Variants in CYP4A11 observed in about 807,000 individuals in gnomAD.
CYP4A11 encodes the protein cytochrome P450 4A11.
A neutral mutation model predicts 57.7 loss-of-function variants in CYP4A11; 52 were observed. That is an observed-to-expected ratio of 0.90 (90% CI 0.72 to 1.14). CYP4A11 has a LOEUF of 1.14. Ranked by LOEUF, CYP4A11 falls within the 50% of genes most tolerant of loss-of-function variation. The pLI, the probability that CYP4A11 is intolerant of heterozygous loss-of-function variation, is 0.00. For missense variants in CYP4A11, 641 were observed against 642.1 expected, an observed-to-expected ratio of 1.00 and a Z score of 0.02; for synonymous variants, 228 against 247.1, an observed-to-expected ratio of 0.92 and a Z score of 0.72.
At chr1:46,935,400 T>C in intron 5 of CYP4A11, 123 bp downstream of exon 5, 1 of 1,513,600 alleles carries the variant, frequency 6.6e-7, no homozygotes, top group Non-Finnish European at 8.8e-7. Flanking sequence ...AATTAGAGTT[T>C]GGTCAGGGAC....
In CYP4A11 at chr1:46,930,104, G is replaced by A; in HGVS notation, c.*11C>T. 6.2e-7 allele frequency: 1 copy of A among 1,602,690 alleles called. No individual in the cohort carries two copies. Among genetic ancestry groups the A allele is most frequent in the Non-Finnish European group, 8.5e-7 (1 of 1,172,782 alleles). ...CGGGGGTCAGGAAGACAGGACGGCA[G>A]GTGGAGGCCCTCAAAGCTGGTCCTT... On this transcript the variant is annotated 3_prime_UTR_variant, in exon 12 of 12. Transcript: ENST00000310638.
At chr1:46,931,550 A>ATAAAAT in intron 11 of CYP4A11, 1 of 740,830 alleles carries the variant, frequency 1.3e-6, no homozygotes, top group Non-Finnish European at 1.6e-6. Context: ...TTTTAAAATG[A>ATAAAAT]ATAAAATATA....
In CYP4A11 at chr1:46,937,416, A is replaced by G. The variant is rs139207256; in HGVS notation, c.338-70T>C. ...GAAGGCAGTCTTAGAGGCTGCATCA[A>G]TTCTTGGTGTCTGTCAGTTGGCAGT... On this transcript the variant is annotated intron_variant, in intron 2 of 11. Transcript: ENST00000310638. 230 of 1,519,190 alleles carry G rather than the reference A, an allele frequency of 1.5e-4. 2 individuals are homozygous for G. The African/African-American group carries it at 2.7e-3, about 18-fold the overall frequency. 94.1% of individuals were successfully genotyped at this position (1,519,190 alleles called of 1,614,324 possible). A position where few individuals can be genotyped will look rare whatever the true frequency, so the allele number is the denominator to read the frequency against.
Position 46,936,770 on chromosome 1 carries a change from T to C in CYP4A11, c.404A>G (p.Asn135Ser). 6.2e-7 allele frequency: 1 copy of C among 1,613,494 alleles called. No individual in the cohort carries two copies. Among genetic ancestry groups the C allele is most frequent in the Non-Finnish European group, 8.5e-7 (1 of 1,179,820 alleles). The part of the protein sequence containing the change: ...PWIGYGLLLL[N>S]GQTWFQHRRM... ...TCGATGCTGGAACCATGTCTGCCCA[T>C]TCAACAGGAGCAAGCCGTACCCTAA... is the stretch of plus-strand genomic sequence containing the variant. The change falls in exon 4 of 12, where the codon AAT becomes AGT. Residue 135 changes from asparagine to serine, a missense_variant. Transcript: ENST00000310638.
At chr1:46,933,808 A>G (rs1681183443) in intron 9 of CYP4A11, 138 bp downstream of exon 9, 3 of 1,372,768 alleles carry the variant, frequency 2.2e-6, no homozygotes, top group Non-Finnish European at 1.9e-6. Flanking sequence ...CTTTATCCCA[A>G]GTACAAAGTA....
At chr1:46,930,800 A>G (rs1680975701) in intron 11 of CYP4A11, among the ~76,000 whole-genome samples, 1 of 152,140 alleles carries the variant, frequency 6.6e-6, no homozygotes, top group South Asian at 2.1e-4. Flanking sequence ...TAAGGGAGTC[A>G]GAAGGGCAGT....
intron 11 of CYP4A11, chr1:46,931,645 G>A (rs1681035544): frequency 1.5e-6 from 1 of 681,178 alleles, no homozygotes; most frequent in East Asian, 1.3e-4. Flanking sequence ...GCAGCGACAT[G>A]ATTTGCAGGC....
intron 11 of CYP4A11, among the ~76,000 whole-genome samples, chr1:46,930,763 T>A (rs968769331): frequency 4.6e-5 from 7 of 152,076 alleles, no homozygotes; most frequent in Admixed American, 6.6e-5. Flanking sequence ...GGGACCTGAA[T>A]CCTCATAGGG....
Position 46,934,080 on chromosome 1 carries a change from C to T in CYP4A11, c.1089-1G>A. 1 of 1,612,590 alleles carries T rather than the reference C, an allele frequency of 6.2e-7. No homozygotes were observed. Among genetic ancestry groups the T allele is most frequent in the Non-Finnish European group, 8.5e-7 (1 of 1,179,450 alleles). ...GTAGGGCATCTGGTCCAGGTGGTTC[C>T]TGAAACAATTCCATCCTGAACACCA... On this transcript the variant is annotated splice_acceptor_variant, in intron 8 of 11. Coordinates refer to ENST00000310638, the MANE Select transcript of CYP4A11 (RefSeq NM_000778.4). LOFTEE classifies it high-confidence loss of function.
chr1:46,933,339 A>T (rs1174047295), intron 9 of CYP4A11, among the ~76,000 whole-genome samples: 1 of 152,254 alleles, frequency 6.6e-6, no homozygotes, highest in African/African-American at 2.4e-5. Context: ...TCCAAGGGTC[A>T]TTGGAGAATA....
At chr1:46,931,228 G>C (rs1331766495) in intron 11 of CYP4A11, among the ~76,000 whole-genome samples, 3 of 152,248 alleles carry the variant, frequency 2.0e-5, no homozygotes, top group Non-Finnish European at 4.4e-5. Context: ...GCTAAAGTCA[G>C]ATCCCAGCTG....
chr1:46,940,156 T>G (rs1469884173), intron 1 of CYP4A11, among the ~76,000 whole-genome samples: 1 of 151,318 alleles, frequency 6.6e-6, no homozygotes, highest in African/African-American at 2.4e-5. Flanking sequence ...CTCCTTTCTC[T>G]TCTTCCTCTG....
rs1336754976 is a variant in CYP4A11 at position 46,935,588 on chromosome 1, G to A, written c.570C>T (p.Ser190=). Residue 190 remains serine (S), a synonymous_variant, in exon 5 of 12, where the codon TCC becomes TCT. Coordinates refer to ENST00000310638, the MANE Select transcript of CYP4A11 (RefSeq NM_000778.4). ...DSPLEVFQHV[S]LMTLDTIMKC... The stretch of plus-strand genomic sequence containing the variant: ...TCATGATGGTGTCCAGGGTCATCAA[G>A]GAGACGTGCTGAAAGACCTCCAGAG... 4 of 1,613,860 alleles carry A rather than the reference G, an allele frequency of 2.5e-6. No homozygotes were observed. In the African/African-American group the frequency reaches 4.0e-5, roughly 16 times the overall value.
At chr1:46,940,795 C>T in intron 1 of CYP4A11, 2 of 985,416 alleles carry the variant, frequency 2.0e-6, no homozygotes, top group Non-Finnish European at 2.4e-6. Context: ...GTATTCTTCA[C>T]AGACCATAAA....
At chr1:46,933,299 C>A (rs1236511442) in intron 9 of CYP4A11, among the ~76,000 whole-genome samples, 2 of 152,132 alleles carry the variant, frequency 1.3e-5, no homozygotes, top group Non-Finnish European at 2.9e-5. Context: ...TAGAGTAAGT[C>A]CAGTGACATT....
In CYP4A11 at chr1:46,929,689, G is replaced by GAGCCACGAGCCCTGGATTCTATCCA. The variant is rs1553141883; in HGVS notation, c.*401_*425dup. ...AGGCAGCAAGTTCAGACACATTCCA[G>GAGCCACGAGCCCTGGATTCTATCCA]AGCCACGAGCCCTGGATTCTATCCA... On this transcript the variant is annotated 3_prime_UTR_variant, in exon 12 of 12. Transcript: ENST00000310638. The GAGCCACGAGCCCTGGATTCTATCCA allele has an allele frequency of 1.9e-5, 2 of 107,038 alleles. No homozygotes were observed. Among genetic ancestry groups the GAGCCACGAGCCCTGGATTCTATCCA allele is most frequent in the African/African-American group, 5.6e-5 (2 of 35,518 alleles). The allele number at this position is 107,038 out of a possible 1,614,324, so 6.6% of individuals were successfully genotyped here. A position where few individuals can be genotyped will look rare whatever the true frequency, so the allele number is the denominator to read the frequency against.
chr1:46,941,123 C>T (rs1681724069), intron 1 of CYP4A11, 116 bp downstream of exon 1: 1 of 1,465,298 alleles, frequency 6.8e-7, no homozygotes, highest in Non-Finnish European at 9.1e-7. Context: ...GCTGGGTGTT[C>T]CTTTGAGTCC....
intron 6 of CYP4A11, 84 bp from the exon 7 acceptor site, chr1:46,934,643 G>C (rs1353988187): frequency 1.5e-6 from 2 of 1,318,244 alleles, no homozygotes; most frequent in East Asian, 2.3e-5. Flanking sequence ...CCCCAGTGTG[G>C]GTGCCTGGTA....
In CYP4A11 at chr1:46,930,296, T is replaced by A. The variant is rs1171626952; in HGVS notation, c.1379A>T (p.Lys460Ile). ...FSGGSRNCIG[K>I]QFAMNELKVA... The stretch of plus-strand genomic sequence containing the variant: ...CTTCAGCTCGTTCATGGCAAATTGT[T>A]TCCCGATGCAGTTCCTGGGCCAGGT... Residue 460 changes from lysine (K) to isoleucine (I), a missense_variant, in exon 12 of 12, where the codon AAA (lysine) becomes ATA (isoleucine). By Grantham distance (102) the Lys-to-Ile change is moderately radical (BLOSUM62 -3). Transcript: ENST00000310638. The A allele has an allele frequency of 1.2e-6, 2 of 1,613,158 alleles. No individual in the cohort carries two copies. The highest frequency in any genetic ancestry group is 4.5e-5 in the East Asian group (2 of 44,834).
Sources: allele counts gnomAD v4.1 joint callset (sites outside exome capture counted in the v4.1 genomes callset), GRCh38; gene constraint gnomAD v4.1.1; transcripts MANE v1.5; gene names NCBI Gene and HGNC (gene_info 2026-07-23, HGNC 2026-07-21).